CLASP1: variants seen among roughly 807,000 people sequenced by gnomAD.
CLASP1 encodes the protein cytoplasmic linker associated protein 1, also known as CLIP-associating protein 1.
CLASP1 carries 38 observed loss-of-function variants against 192.3 expected under a neutral mutation model. The observed-to-expected ratio is 0.20, with a 90% CI of 0.15 to 0.26. The LOEUF is 0.26. Among genes scored for constraint, CLASP1 ranks in the 10% least tolerant of loss-of-function variants. CLASP1 has a pLI of 1.00. For synonymous variants in CLASP1, 691 were observed against 712.8 expected, an observed-to-expected ratio of 0.97 and a Z score of 0.49; for missense variants, 1,433 against 1,932.5, an observed-to-expected ratio of 0.74 and a Z score of 4.85.
Position 121,425,325 on chromosome 2 carries a change from G to T in CLASP1, c.2045-19C>A. Reference sequence around the variant, plus strand: ...CTGCCAGCTAAAAGTGAAGCAAAATGACAATGAATAATAGATGTAAATGTA... The same window carrying T: ...CTGCCAGCTAAAAGTGAAGCAAAATTACAATGAATAATAGATGTAAATGTA... On this transcript the variant is annotated intron_variant, in intron 21 of 39. Transcript: ENST00000263710. 6.2e-7 allele frequency: 1 copy of T among 1,607,814 alleles called. No individual in the cohort carries two copies. Among genetic ancestry groups the T allele is most frequent in the South Asian group, 1.1e-5 (1 of 90,090 alleles).
chr2:121,433,230 G>A (rs1243118830), intron 19 of CLASP1, among the ~76,000 whole-genome samples: 1 of 151,810 alleles, frequency 6.6e-6, no homozygotes, highest in East Asian at 1.9e-4. Flanking sequence ...GCTGAGGCAG[G>A]AGAATCTCTC....
At chr2:121,444,035 A>G (rs150053620) in intron 19 of CLASP1, among the ~76,000 whole-genome samples, 33 of 152,344 alleles carry the variant, frequency 2.2e-4, no homozygotes, top group African/African-American at 7.5e-4. Flanking sequence ...GGTGGGTTTA[A>G]GCCTCTATTT....
intron 19 of CLASP1, among the ~76,000 whole-genome samples, chr2:121,431,900 A>G (rs1386818515): frequency 6.6e-6 from 1 of 152,162 alleles, no homozygotes; most frequent in Non-Finnish European, 1.5e-5. Context: ...TCACTTATGT[A>G]TCGATAAAGA....
rs569182024 is a variant in CLASP1, at chr2:121,564,036, A to G, written c.196-33711T>C. 2.4e-4 allele frequency among the ~76,000 whole-genome samples: 36 copies of G among 152,320 alleles called. No individual in the cohort carries two copies. The South Asian group carries it at 7.5e-3, about 32-fold the overall frequency. On this transcript the variant is annotated intron_variant, in intron 2 of 39. Coordinates refer to ENST00000263710, the Ensembl canonical transcript of CLASP1. ...CCATCAGATCTTGTGAGACCTATTC[A>G]CTATCACAAGAACAGCATGGGAAAG...
intron 25 of CLASP1, among the ~76,000 whole-genome samples, chr2:121,405,682 G>C (rs1195314672): frequency 6.6e-6 from 1 of 151,560 alleles, no homozygotes; most frequent in Non-Finnish European, 1.5e-5. Context: ...ATTATTCAAT[G>C]GGTACTTGGT....
At chr2:121,400,061 C>T (rs1338322321) in intron 28 of CLASP1, among the ~76,000 whole-genome samples, 1 of 152,176 alleles carries the variant, frequency 6.6e-6, no homozygotes, top group Non-Finnish European at 1.5e-5. Context: ...AGCCTAGCCC[C>T]TCAGTCAATC....
chr2:121,373,601 T>A (rs1226562535), intron 34 of CLASP1, among the ~76,000 whole-genome samples: 2 of 152,142 alleles, frequency 1.3e-5, no homozygotes, highest in African/African-American at 4.8e-5. Context: ...AAAATGCTAA[T>A]AGTGATATGG....
Position 121,577,845 on chromosome 2 carries a change from CAGG to C in CLASP1, c.195+27853_195+27855del, listed in dbSNP as rs1230472650. On this transcript the variant is annotated intron_variant, in intron 2 of 39. Coordinates refer to ENST00000263710, the Ensembl canonical transcript of CLASP1. The stretch of plus-strand genomic sequence containing the variant: ...ATCCTAGCACTTTGGGAGCCCAAGA[CAGG>C]AGAAGTGCTTGAGTCCAGGAGTTCA... Among the ~76,000 whole-genome samples the C allele has an allele frequency of 4.6e-5, 7 of 152,202 alleles. No individual in the cohort carries two copies. The South Asian group carries it at 1.2e-3, about 27-fold the overall frequency.
At chr2:121,503,227 C>T (rs1192767722) in exon 8 of CLASP1, 1 of 1,527,440 alleles carries the variant, frequency 6.5e-7, no homozygotes. Flanking sequence ...GTAAAAATTA[C>T]ATTCAACCTG....
chr2:121,401,834 G>A, intron 27 of CLASP1, 34 bp downstream of exon 28: 1 of 765,992 alleles, frequency 1.3e-6, no homozygotes, highest in Non-Finnish European at 2.4e-6. Flanking sequence ...ATGTAGTGCA[G>A]AAAACAGATA....
At chr2:121,363,810 T>A (rs1352475749) in intron 36 of CLASP1, among the ~76,000 whole-genome samples, 1 of 152,150 alleles carries the variant, frequency 6.6e-6, no homozygotes, top group Admixed American at 6.5e-5. Context: ...ACTGGGTGTG[T>A]ACAGGCCTCG....
At chr2:121,471,166 A>C (rs976991150) in intron 8 of CLASP1, among the ~76,000 whole-genome samples, 3 of 152,190 alleles carry the variant, frequency 2.0e-5, no homozygotes, top group Non-Finnish European at 2.9e-5. Context: ...CTGTAGTCCC[A>C]GATACTCAGA....
In CLASP1 at chr2:121,374,011, G is replaced by A. The variant is rs1183975403; in HGVS notation, c.3642+3488C>T. Among the ~76,000 whole-genome samples, 4 of 152,228 alleles carry A rather than the reference G, an allele frequency of 2.6e-5. No homozygotes were observed. In the South Asian group the frequency reaches 8.3e-4, roughly 32 times the overall value. On this transcript the variant is annotated intron_variant, in intron 34 of 39. Transcript: ENST00000263710. ...AATAATTAAAAGCCGGATGTTAATA[G>A]CCAAGACAATGGAGTAATGTCTCCA...
intron 8 of CLASP1, among the ~76,000 whole-genome samples, chr2:121,478,714 A>ACCC (rs2092032742): frequency 5.5e-5 from 2 of 36,170 alleles, no homozygotes; most frequent in Non-Finnish European, 1.1e-4. Context: ...CCCCACACAC[A>ACCC]CAACCACACA....
At chr2:121,576,464 T>C (rs2060529592) in intron 2 of CLASP1, among the ~76,000 whole-genome samples, 1 of 152,170 alleles carries the variant, frequency 6.6e-6, no homozygotes, top group Non-Finnish European at 1.5e-5. Context: ...AGTGCTTCCT[T>C]GTGTTCGAAG....
rs888987117 is a variant in CLASP1 at position 121,514,523 on chromosome 2, C to A, written c.644+1142G>T. ...AGGAACTTAAAAAAAAAAAACAAAA[C>A]AAAAAAAACTATTATCACAGATTAT... On this transcript the variant is annotated intron_variant, in intron 7 of 39. Transcript: ENST00000263710. Among the ~76,000 whole-genome samples the A allele has an allele frequency of 1.1e-4, 16 of 150,560 alleles. No individual in the cohort carries two copies. The South Asian group carries it at 2.3e-3, about 22-fold the overall frequency.
chr2:121,592,670 T>C (rs1039338535), intron 2 of CLASP1, among the ~76,000 whole-genome samples: 5 of 152,190 alleles, frequency 3.3e-5, no homozygotes, highest in Non-Finnish European at 4.4e-5. Flanking sequence ...GTTTTTTTGT[T>C]TGAGACAGAG....
At chr2:121,517,858 CTTTTTTT>C (rs70954553) in intron 6 of CLASP1, among the ~76,000 whole-genome samples, 7 of 30,818 alleles carry the variant, frequency 2.3e-4, no homozygotes, top group African/African-American at 7.2e-4. Flanking sequence ...AAGACTCAAG[CTTTTTTT>C]TTTTTTTTTT....
rs1009101318 is a variant in CLASP1, at chr2:121,601,202, G to A, written c.195+4499C>T. On this transcript the variant is annotated intron_variant, in intron 2 of 39. Coordinates refer to ENST00000263710, the Ensembl canonical transcript of CLASP1. The stretch of plus-strand genomic sequence containing the variant: ...GTTGTGACCCAAAAACATAGACAAG[G>A]TGATTTCATAGCCCTTAAAAATGTA... Among the ~76,000 whole-genome samples the A allele has an allele frequency of 2.0e-5, 3 of 152,026 alleles. No individual in the cohort carries two copies. In the East Asian group the frequency reaches 5.8e-4, roughly 29 times the overall value.
Sources: gnomAD v4.1 joint callset for allele counts (sites outside exome capture counted in the v4.1 genomes callset) on GRCh38, gnomAD v4.1.1 for gene constraint, MANE v1.5 for transcripts, NCBI Gene and HGNC (gene_info 2026-07-23, HGNC 2026-07-21) for gene names.